The following ITPR2 variants were observed in gnomAD, a reference collection of about 807,000 sequenced individuals.
ITPR2 encodes inositol 1,4,5-trisphosphate-gated calcium channel ITPR2.
ITPR2 carries 207 observed loss-of-function variants against 317.1 expected under a neutral mutation model. The observed-to-expected ratio is 0.65, with a 90% confidence interval of 0.58 to 0.73. The LOEUF (loss-of-function observed/expected upper bound fraction) is 0.73. Among genes scored for constraint, ITPR2 ranks in the 30% least tolerant of loss-of-function variants. The pLI is 0.00. For synonymous variants in ITPR2, 1,156 were observed against 1,149.1 expected, an observed-to-expected ratio of 1.01 and a Z score of -0.12; for missense variants, 2,613 against 3,284.0, an observed-to-expected ratio of 0.80 and a Z score of 4.99.
chr12:26,794,652 T>C (rs182234290), intron 1 of ITPR2, among the ~76,000 whole-genome samples: 13 of 152,386 alleles, frequency 8.5e-5, no homozygotes, highest in Admixed American at 2.6e-4. Context: ...ATTAGTCTTA[T>C]CTTCCCAACC....
At chr12:26,359,814 T>C (rs1002518937) in intron 55 of ITPR2, among the ~76,000 whole-genome samples, 1 of 152,090 alleles carries the variant, frequency 6.6e-6, no homozygotes, top group Non-Finnish European at 1.5e-5. Context: ...CACCCGGATG[T>C]GAGTTTTCAA....
intron 2 of ITPR2, among the ~76,000 whole-genome samples, chr12:26,788,558 C>G (rs1312339433): frequency 2.0e-5 from 3 of 152,192 alleles, no homozygotes; most frequent in Non-Finnish European, 4.4e-5. Flanking sequence ...TTTACCATCA[C>G]TACTCTGAAC....
intron 20 of ITPR2, among the ~76,000 whole-genome samples, chr12:26,654,541 A>G (rs1258672864): frequency 6.6e-6 from 1 of 152,182 alleles, no homozygotes; most frequent in Non-Finnish European, 1.5e-5. Flanking sequence ...CGCACAGGAC[A>G]TTCCAAGTGC....
At chr12:26,350,174 G>T (rs1938436292) in intron 55 of ITPR2, among the ~76,000 whole-genome samples, 1 of 152,120 alleles carries the variant, frequency 6.6e-6, no homozygotes, top group Non-Finnish European at 1.5e-5. Context: ...TAGGGAGGCG[G>T]AGGGAAGCAG....
intron 37 of ITPR2, among the ~76,000 whole-genome samples, chr12:26,533,974 A>G (rs1944014615): frequency 6.6e-6 from 1 of 152,194 alleles, no homozygotes. Context: ...CCTAGGTGTC[A>G]GTTATCTGAC....
chr12:26,490,306 C>A (rs56965537), intron 39 of ITPR2, among the ~76,000 whole-genome samples: 6,829 of 152,096 alleles, frequency 0.045, 366 homozygotes, highest in African/African-American at 0.13. Flanking sequence ...GAATGGACAC[C>A]AAATGTCCCA....
intron 48 of ITPR2, among the ~76,000 whole-genome samples, chr12:26,435,786 A>G (rs945665202): frequency 6.6e-6 from 1 of 152,216 alleles, no homozygotes; most frequent in Non-Finnish European, 1.5e-5. Context: ...GTATAGAATT[A>G]AAAATTATTT....
At chr12:26,642,104 G>T (rs928191478) in intron 21 of ITPR2, among the ~76,000 whole-genome samples, 1 of 152,136 alleles carries the variant, frequency 6.6e-6, no homozygotes, top group African/African-American at 2.4e-5. Flanking sequence ...TCCTGCAAAA[G>T]GCTTGCTGCC....
chr12:26,427,923 C>T lies in ITPR2; in HGVS notation c.6935G>A (p.Gly2312Asp). 2 of 1,568,548 alleles carry T rather than the reference C, an allele frequency of 1.3e-6. No individual in the cohort carries two copies. The highest frequency in any genetic ancestry group is 1.7e-6 in the Non-Finnish European group (2 of 1,158,876). The change falls in exon 49 of 57, where the codon GGT (glycine) becomes GAT (aspartate). Residue 2312 changes from glycine (G) to aspartate (D), a missense_variant. Physicochemically the swap from Gly to Asp is moderately conservative, Grantham distance 94 (BLOSUM62 -1). Around this residue, in one of 9 missense-constraint regions of ITPR2, gnomAD observed 78 missense variants for 110.3 expected, o/e 0.71. Transcript: ENST00000381340. Reference sequence around the variant, plus strand: ...AAGTAAAGTACTTACATTAGCTGCACCAAGAAGTATTAATGTAGGCCCAAG... The same window carrying T: ...AAGTAAAGTACTTACATTAGCTGCATCAAGAAGTATTAATGTAGGCCCAAG... ...IGLGPTLILL[G>D]AANLCNKIVF...
intron 1 of ITPR2, among the ~76,000 whole-genome samples, chr12:26,817,754 G>A (rs1435839033): frequency 6.6e-6 from 1 of 151,952 alleles, no homozygotes; most frequent in Admixed American, 6.6e-5. Context: ...CTGGAGAACT[G>A]TTTCATTTCT....
chr12:26,626,249 G>A (rs1946623063), intron 23 of ITPR2, among the ~76,000 whole-genome samples: 1 of 152,184 alleles, frequency 6.6e-6, no homozygotes, highest in Admixed American at 6.5e-5. Context: ...ACAGGCGTGA[G>A]CCACCATACC....
intron 37 of ITPR2, among the ~76,000 whole-genome samples, chr12:26,545,610 A>G (rs1944377088): frequency 6.6e-6 from 1 of 152,218 alleles, no homozygotes; most frequent in African/African-American, 2.4e-5. Flanking sequence ...TTTACACACC[A>G]CAAAGTTTCT....
In ITPR2 at chr12:26,694,146, C is replaced by T. The variant is rs567064209; in HGVS notation, c.996+1460G>A. 7.2e-5 allele frequency among the ~76,000 whole-genome samples: 11 copies of T among 152,340 alleles called. No individual in the cohort carries two copies. The South Asian group carries it at 2.1e-3, about 29-fold the overall frequency. ...GTCTGGTCCTCTTAGCAAGGCCATA[C>T]TGTTCTCTGTTGAACAATTTCACAG... On this transcript the variant is annotated intron_variant, in intron 10 of 56. Coordinates refer to ENST00000381340, the MANE Select transcript of ITPR2 (RefSeq NM_002223.4).
intron 1 of ITPR2, among the ~76,000 whole-genome samples, chr12:26,815,851 TGGGA>T (rs1374764491): frequency 2.0e-5 from 3 of 152,128 alleles, no homozygotes; most frequent in Non-Finnish European, 4.4e-5. Context: ...CCCAGCACTT[TGGGA>T]GGCTGAGGCA....
intron 34 of ITPR2, among the ~76,000 whole-genome samples, chr12:26,574,899 C>T (rs1041216268): frequency 2.0e-5 from 3 of 151,888 alleles, no homozygotes; most frequent in Non-Finnish European, 2.9e-5. Flanking sequence ...TGGTGCTAGA[C>T]CATTCATGAC....
intron 45 of ITPR2, among the ~76,000 whole-genome samples, chr12:26,464,924 T>C (rs922037051): frequency 1.3e-5 from 2 of 152,196 alleles, no homozygotes; most frequent in Non-Finnish European, 2.9e-5. Context: ...AGTTCTATTA[T>C]GGATAATGTT....
intron 49 of ITPR2, among the ~76,000 whole-genome samples, chr12:26,422,170 ATTAG>A (rs1940918167): frequency 6.7e-6 from 1 of 150,086 alleles, no homozygotes; most frequent in Admixed American, 6.7e-5. Flanking sequence ...TATTTAATTT[ATTAG>A]TTAATAATTT....
chr12:26,717,117 T>A (rs955515338), intron 5 of ITPR2, among the ~76,000 whole-genome samples: 2 of 152,316 alleles, frequency 1.3e-5, no homozygotes, highest in African/African-American at 4.8e-5. Context: ...GTAAATAAAA[T>A]CTCACTTAAA....
intron 32 of ITPR2, among the ~76,000 whole-genome samples, chr12:26,587,328 T>C (rs553304012): frequency 6.6e-6 from 1 of 151,554 alleles, no homozygotes; most frequent in South Asian, 2.1e-4. Context: ...ATAAATTCTA[T>C]GGAGAAAAAT....
Sources: gnomAD v4.1 joint callset for allele counts (sites outside exome capture counted in the v4.1 genomes callset) on GRCh38, gnomAD v4.1.1 for gene constraint, gnomAD v4.1.1 regional missense constraint, MANE v1.5 for transcripts, NCBI Gene and HGNC (gene_info 2026-07-23, HGNC 2026-07-21) for gene names.